The following TMEM47 variants were observed in gnomAD, a reference collection of about 807,000 sequenced individuals.
The protein encoded by TMEM47 is transmembrane protein 47.
Under a neutral mutation model 12.4 loss-of-function variants are expected in TMEM47, and 3 were observed. The ratio of observed to expected loss-of-function variants is 0.24; its 90% CI spans 0.11 to 0.63. The LOEUF (loss-of-function observed/expected upper bound fraction) is 0.63, where lower values mean the gene tolerates loss of function less well. Among genes scored for constraint, TMEM47 ranks in the 20% least tolerant of loss-of-function variants. The pLI is 0.86. For synonymous variants in TMEM47, 62 were observed against 63.3 expected (o/e 0.98, Z 0.10); for missense variants, 89 against 143.8 (o/e 0.62, Z 1.95).
intron 1 of TMEM47, among the ~76,000 whole-genome samples, chrX:34,648,083 G>A (rs1159131133): frequency 8.9e-6 from 1 of 111,900 alleles, no homozygotes; most frequent in Non-Finnish European, 1.9e-5. Flanking sequence ...CCATGCTCAT[G>A]GATAGGAAGA....
At chrX:34,641,115 C>G (rs1207031035) in intron 1 of TMEM47, among the ~76,000 whole-genome samples, 3 of 107,157 alleles carry the variant, frequency 2.8e-5, no homozygotes, top group Middle Eastern at 4.4e-3. Flanking sequence ...AAAAAATAGT[C>G]CTTACATTTG....
At chrX:34,647,956 CA>C (rs745467601) in intron 1 of TMEM47, among the ~76,000 whole-genome samples, 2 of 110,267 alleles carry the variant, frequency 1.8e-5, no homozygotes, top group East Asian at 2.8e-4. Context: ...AATTGCCACA[CA>C]AAAAAAATAA....
intron 2 of TMEM47, among the ~76,000 whole-genome samples, chrX:34,635,367 T>C (rs1362354001): frequency 8.9e-6 from 1 of 111,958 alleles, no homozygotes; most frequent in Non-Finnish European, 1.9e-5. Flanking sequence ...TTCCATACTC[T>C]TTATCATATC....
intron 1 of TMEM47, among the ~76,000 whole-genome samples, chrX:34,644,274 A>G (rs1921870536): frequency 8.9e-6 from 1 of 111,822 alleles, no homozygotes; most frequent in African/African-American, 3.3e-5. Context: ...AGAGTTTCCA[A>G]TGTCTATAAA....
At chrX:34,638,532 C>A (rs1391094904) in intron 2 of TMEM47, among the ~76,000 whole-genome samples, 1 of 111,998 alleles carries the variant, frequency 8.9e-6, no homozygotes, top group Non-Finnish European at 1.9e-5. Context: ...GTCTTCAAAT[C>A]AGATATGACT....
intron 1 of TMEM47, among the ~76,000 whole-genome samples, chrX:34,646,620 T>G (rs907770174): frequency 8.9e-6 from 1 of 111,840 alleles, no homozygotes; most frequent in Non-Finnish European, 1.9e-5. Flanking sequence ...CTAATTAGGT[T>G]ACAACTTGGA....
intron 1 of TMEM47, among the ~76,000 whole-genome samples, chrX:34,656,525 A>G (rs1431857881): frequency 1.8e-5 from 2 of 110,607 alleles, no homozygotes; most frequent in African/African-American, 6.6e-5. Context: ...ACAAATACCC[A>G]AAATAGCGTA....
chrX:34,644,294 A>T (rs1257615501), intron 1 of TMEM47, among the ~76,000 whole-genome samples: 3 of 111,790 alleles, frequency 2.7e-5, no homozygotes, highest in African/African-American at 9.8e-5. Flanking sequence ...ACAGTTTAGT[A>T]TTCTGCAGAA....
chrX:34,647,061 A>G (rs1248534362), intron 1 of TMEM47, among the ~76,000 whole-genome samples: 2 of 111,450 alleles, frequency 1.8e-5, no homozygotes, highest in Non-Finnish European at 3.8e-5. Flanking sequence ...TAGAAAACCA[A>G]TGACTACGTT....
chrX:34,640,022 G>A (rs898049839), intron 1 of TMEM47, among the ~76,000 whole-genome samples: 5 of 111,333 alleles, frequency 4.5e-5, no homozygotes, highest in Non-Finnish European at 9.4e-5. Flanking sequence ...CTATTTCTTG[G>A]AAAGCCTTCC....
rs1365124884 is a variant in TMEM47, at chrX:34,629,240, A to C, written c.*1073T>G. On this transcript the variant is annotated 3_prime_UTR_variant, in exon 3 of 3. Transcript: ENST00000275954. The stretch of plus-strand genomic sequence containing the variant: ...GAGAATCATTAATTTTCAGATTAAC[A>C]CCATTTCAATTTTTATTCTTAGGCA... 9.0e-6 allele frequency: 1 copy of C among 111,671 alleles called. No individual in the cohort carries two copies. The highest frequency in any genetic ancestry group is 1.9e-5 in the Non-Finnish European group (1 of 53,127). 9.2% of individuals were successfully genotyped at this position (111,671 alleles called of 1,213,427 possible). A position where few individuals can be genotyped will look rare whatever the true frequency, so the allele number is the denominator to read the frequency against.
chrX:34,647,519 C>T (rs1443876583), intron 1 of TMEM47, among the ~76,000 whole-genome samples: 4 of 111,145 alleles, frequency 3.6e-5, no homozygotes, highest in Non-Finnish European at 7.6e-5. Flanking sequence ...ATGGATGTTT[C>T]GTTGTACATT....
chrX:34,651,065 G>C (rs906829524), intron 1 of TMEM47, among the ~76,000 whole-genome samples: 4 of 111,893 alleles, frequency 3.6e-5, no homozygotes, highest in African/African-American at 1.3e-4. Flanking sequence ...GTCAGACTGT[G>C]TGCTCCAAAC....
Position 34,638,260 on chromosome X carries a change from C to T in TMEM47, c.367+987G>A, listed in dbSNP as rs185659446. 2.5e-4 allele frequency among the ~76,000 whole-genome samples: 28 copies of T among 111,740 alleles called. No homozygotes were observed. The East Asian group carries it at 7.9e-3, about 32-fold the overall frequency. The stretch of plus-strand genomic sequence containing the variant: ...CACTTAAAGATTTGAATTAGATGTA[C>T]TTCTGGATTCCTTCAGCCCTTTGGA... On this transcript the variant is annotated intron_variant, in intron 2 of 2. Coordinates refer to ENST00000275954, the MANE Select transcript of TMEM47 (RefSeq NM_031442.4).
At position 34,630,177 on chromosome X, in the gene TMEM47, G is replaced by C; in HGVS notation, c.*136C>G. On this transcript the variant is annotated 3_prime_UTR_variant, in exon 3 of 3. Coordinates refer to ENST00000275954, the MANE Select transcript of TMEM47 (RefSeq NM_031442.4). ...CTGGTTATGATGTTGACAGCCAAAAGGCAAAAAAGATTAAATCAACTGAGC... is the reference window on the plus strand; with the variant it reads ...CTGGTTATGATGTTGACAGCCAAAACGCAAAAAAGATTAAATCAACTGAGC... 1.6e-6 allele frequency: 1 copy of C among 642,916 alleles called. No homozygotes were observed. Among genetic ancestry groups the C allele is most frequent in the Non-Finnish European group, 2.2e-6 (1 of 446,698 alleles). 53.0% of individuals were successfully genotyped at this position (642,916 alleles called of 1,213,427 possible).
intron 1 of TMEM47, among the ~76,000 whole-genome samples, chrX:34,653,519 T>C (rs1202058013): frequency 1.8e-5 from 2 of 111,959 alleles, no homozygotes; most frequent in East Asian, 2.8e-4. Context: ...TATGTATTTA[T>C]ACATTTTAAA....
chrX:34,644,747 T>C (rs771573356), intron 1 of TMEM47, among the ~76,000 whole-genome samples: 3 of 111,905 alleles, frequency 2.7e-5, no homozygotes, highest in Non-Finnish European at 5.6e-5. Flanking sequence ...TCCTACTGTT[T>C]AGGTGGGTAG....
At chrX:34,632,211 A>T (rs1324677788) in intron 2 of TMEM47, among the ~76,000 whole-genome samples, 1 of 111,916 alleles carries the variant, frequency 8.9e-6, no homozygotes. Flanking sequence ...TTTTTGTTTA[A>T]TTCATCTGAA....
At chrX:34,651,659 G>A (rs998596670) in intron 1 of TMEM47, among the ~76,000 whole-genome samples, 5 of 112,009 alleles carry the variant, frequency 4.5e-5, no homozygotes, top group African/African-American at 1.6e-4. Flanking sequence ...CTAGTTAATT[G>A]AGACCTTGGT....
Sources: allele counts gnomAD v4.1 joint callset (sites outside exome capture counted in the v4.1 genomes callset), GRCh38; gene constraint gnomAD v4.1.1; transcripts MANE v1.5; gene names NCBI Gene and HGNC (gene_info 2026-07-23, HGNC 2026-07-21).